Variants in RYR2 observed in about 807,000 individuals in gnomAD.
RYR2 encodes the protein cardiac muscle ryanodine receptor-calcium release channel.
A neutral mutation model predicts 601.1 loss-of-function variants in RYR2; 227 were observed. That is an observed-to-expected ratio of 0.38 (90% CI 0.34 to 0.42). The LOEUF (loss-of-function observed/expected upper bound fraction) is 0.42. RYR2 is among the 10% of genes least tolerant of loss of function. The pLI is 1.00. For synonymous variants in RYR2, 2,223 were observed against 2,175.1 expected, an observed-to-expected ratio of 1.02 and a Z score of -0.61; for missense variants, 4,646 against 6,156.5, an observed-to-expected ratio of 0.75 and a Z score of 8.21.
In RYR2 at chr1:237,336,012, G is replaced by T. The variant is rs540791493; in HGVS notation, c.273+5030G>T. On this transcript the variant is annotated intron_variant, in intron 3 of 104. Coordinates refer to ENST00000366574, the MANE Select transcript of RYR2 (RefSeq NM_001035.3). ...ATAAGGTAACTTATATCTTATAAAG[G>T]TTCTATGTATAGAAATTTAAGTGTT... Among the ~76,000 whole-genome samples the T allele has an allele frequency of 1.7e-3, 254 of 152,176 alleles. 1 individual carries two copies. Among genetic ancestry groups the T allele is most frequent in the African/African-American group, 5.5e-3 (229 of 41,524 alleles).
intron 35 of RYR2, among the ~76,000 whole-genome samples, chr1:237,608,062 A>T (rs1273719189): frequency 6.6e-6 from 1 of 152,212 alleles, no homozygotes; most frequent in Non-Finnish European, 1.5e-5. Context: ...TATGCTGGAG[A>T]TTAAAATTTT....
At chr1:237,408,495 G>A (rs1304159700) in intron 10 of RYR2, among the ~76,000 whole-genome samples, 1 of 151,094 alleles carries the variant, frequency 6.6e-6, no homozygotes, top group Non-Finnish European at 1.5e-5. Context: ...CTATATTTGT[G>A]TGGGTCTATT....
In RYR2 at chr1:237,780,621, T is replaced by C. The variant is rs138982388; in HGVS notation, c.11881-944T>C. Among the ~76,000 whole-genome samples the C allele has an allele frequency of 3.9e-3, 591 of 152,286 alleles. 4 individuals carry two copies. The highest frequency in any genetic ancestry group is 0.013 in the African/African-American group (555 of 41,580). Reference sequence around the variant, plus strand: ...TAAGCGTAGTGATGTTTAGACACAATATGTCTTTGAAAAAGAATGTTTCTT... The same window carrying C: ...TAAGCGTAGTGATGTTTAGACACAACATGTCTTTGAAAAAGAATGTTTCTT... On this transcript the variant is annotated intron_variant, in intron 88 of 104. Coordinates refer to ENST00000366574, the MANE Select transcript of RYR2 (RefSeq NM_001035.3).
At chr1:237,402,778 G>A (rs1187212899) in intron 10 of RYR2, among the ~76,000 whole-genome samples, 1 of 149,696 alleles carries the variant, frequency 6.7e-6, no homozygotes, top group Non-Finnish European at 1.5e-5. Context: ...CAGATGTGGT[G>A]GTGCATGCCT....
intron 84 of RYR2, among the ~76,000 whole-genome samples, chr1:237,765,289 T>C (rs1045101428): frequency 9.3e-5 from 14 of 151,066 alleles, no homozygotes; most frequent in African/African-American, 3.4e-4. Context: ...CTTTCAAAAT[T>C]CTTCTTGGAA....
chr1:237,395,287 T>C (rs1702723078), intron 10 of RYR2, among the ~76,000 whole-genome samples: 1 of 152,202 alleles, frequency 6.6e-6, no homozygotes, highest in African/African-American at 2.4e-5. Flanking sequence ...GCCAAGTCTT[T>C]GTTGACCTTT....
chr1:237,650,812 G>A (rs1038249595), intron 50 of RYR2, among the ~76,000 whole-genome samples: 2 of 152,196 alleles, frequency 1.3e-5, no homozygotes, highest in Admixed American at 1.3e-4. Flanking sequence ...ATGGCACTGA[G>A]GGAAGTGGAA....
chr1:237,211,736 T>C (rs533385198), intron 1 of RYR2, among the ~76,000 whole-genome samples: 17 of 152,350 alleles, frequency 1.1e-4, no homozygotes, highest in Middle Eastern at 3.4e-3. Flanking sequence ...TTGATTTCCC[T>C]GAATGCCAAA....
At chr1:237,088,114 T>A (rs1029019866) in intron 1 of RYR2, among the ~76,000 whole-genome samples, 1 of 152,246 alleles carries the variant, frequency 6.6e-6, no homozygotes, top group Non-Finnish European at 1.5e-5. Context: ...TGGAAATTAA[T>A]GTACATGGAA....
intron 1 of RYR2, among the ~76,000 whole-genome samples, chr1:237,157,365 A>G (rs917772354): frequency 6.6e-6 from 1 of 151,616 alleles, no homozygotes; most frequent in Non-Finnish European, 1.5e-5. Context: ...GAACTGCTAT[A>G]TGATCCAGCA....
At chr1:237,603,170 G>A (rs998133292) in intron 35 of RYR2, among the ~76,000 whole-genome samples, 3 of 152,156 alleles carry the variant, frequency 2.0e-5, no homozygotes, top group Non-Finnish European at 4.4e-5. Context: ...GTTCATGAAT[G>A]GATGAACGAG....
intron 79 of RYR2, 27 bp downstream of exon 79, chr1:237,733,783 A>T (rs777542499): frequency 1.4e-6 from 2 of 1,470,288 alleles, no homozygotes; most frequent in Non-Finnish European, 1.9e-6. Flanking sequence ...CCTGATTTTC[A>T]TGTTTAATTT....
chr1:237,154,646 CA>C (rs947192854), intron 1 of RYR2, among the ~76,000 whole-genome samples: 5 of 150,122 alleles, frequency 3.3e-5, no homozygotes, highest in Non-Finnish European at 4.4e-5. Flanking sequence ...GACCCTATCT[CA>C]AAAAAAAATG....
chr1:237,549,586 C>A (rs1670167214), intron 26 of RYR2, among the ~76,000 whole-genome samples: 1 of 144,564 alleles, frequency 6.9e-6, no homozygotes, highest in African/African-American at 2.6e-5. Context: ...AGTATTTATT[C>A]TCTGGTTTAC....
At chr1:237,475,816 C>G (rs72632870) in intron 17 of RYR2, among the ~76,000 whole-genome samples, 1 of 152,198 alleles carries the variant, frequency 6.6e-6, no homozygotes, top group Non-Finnish European at 1.5e-5. Flanking sequence ...TCAGTTCATA[C>G]GCATGACCAC....
intron 10 of RYR2, among the ~76,000 whole-genome samples, chr1:237,396,947 T>C (rs1392825535): frequency 6.6e-6 from 1 of 152,148 alleles, no homozygotes; most frequent in Non-Finnish European, 1.5e-5. Flanking sequence ...GTTCTTAAAC[T>C]TGACACCAAA....
In RYR2 at chr1:237,833,707, T is replaced by G. The variant is rs1356764796; in HGVS notation, c.*1060T>G. ...TCTTTCAGCCACCTGTGATCAGTTTTGTTGATTAAGGACTTCTTGTCAGGC... is the reference window on the plus strand; with the variant it reads ...TCTTTCAGCCACCTGTGATCAGTTTGGTTGATTAAGGACTTCTTGTCAGGC... On this transcript the variant is annotated 3_prime_UTR_variant, in exon 105 of 105. Coordinates refer to ENST00000366574, the MANE Select transcript of RYR2 (RefSeq NM_001035.3). The G allele has an allele frequency of 2.2e-4, 34 of 152,634 alleles. No individual in the cohort carries two copies. The highest frequency in any genetic ancestry group is 2.9e-5 in the Non-Finnish European group (2 of 68,024). The allele number at this position is 152,634 out of a possible 1,614,324, so 9.5% of individuals were successfully genotyped here.
chr1:237,467,829 C>T (rs542570181), intron 16 of RYR2, among the ~76,000 whole-genome samples: 13 of 151,446 alleles, frequency 8.6e-5, no homozygotes, highest in South Asian at 8.3e-4. Context: ...CTACTTCAAA[C>T]GCTTGCATCA....
chr1:237,162,357 T>A (rs1237976661), intron 1 of RYR2, among the ~76,000 whole-genome samples: 1 of 152,100 alleles, frequency 6.6e-6, no homozygotes, highest in African/African-American at 2.4e-5. Flanking sequence ...ATTGGCCATC[T>A]GCTTGTCAGA....
Sources: gnomAD v4.1 joint callset for allele counts (sites outside exome capture counted in the v4.1 genomes callset) on GRCh38, gnomAD v4.1.1 for gene constraint, MANE v1.5 for transcripts, NCBI Gene and HGNC (gene_info 2026-07-23, HGNC 2026-07-21) for gene names.